The following KCNG2 variants were observed in gnomAD, a reference collection of about 807,000 sequenced individuals.
KCNG2 encodes the protein potassium voltage-gated channel modifier subfamily G member 2, also known as voltage-gated potassium channel regulatory subunit KCNG2.
KCNG2 carries 7 observed loss-of-function variants against 12.3 expected under a neutral mutation model. That is an observed-to-expected ratio of 0.57 (90% CI 0.32 to 1.07). The LOEUF (loss-of-function observed/expected upper bound fraction) is 1.07. Among genes scored for constraint, KCNG2 ranks in the 50% least tolerant of loss-of-function variants. The probability of loss-of-function intolerance (pLI) is 0.04; values close to 1 mark genes in which losing one functional copy is unlikely to be tolerated. For missense variants in KCNG2, 703 were observed against 726.0 expected, an observed-to-expected ratio of 0.97 and a Z score of 0.36; for synonymous variants, 414 against 351.4, an observed-to-expected ratio of 1.18 and a Z score of -1.99.
At chr18:79,824,674 C>T (rs370490721) in intron 1 of KCNG2, among the ~76,000 whole-genome samples, 5 of 152,284 alleles carry the variant, frequency 3.3e-5, no homozygotes, top group East Asian at 1.9e-4. Flanking sequence ...TACCCATCAA[C>T]GCCCTGAGTA....
At chr18:79,809,366 ATGGGCCCAGAGTCCT>A (rs1166133348) in intron 1 of KCNG2, among the ~76,000 whole-genome samples, 9 of 132,184 alleles carry the variant, frequency 6.8e-5, no homozygotes, top group African/African-American at 2.6e-4. Flanking sequence ...ACTCCACGTT[ATGGGCCCAGAGTCCT>A]CGCTCTGAGG....
intron 3 of KCNG2, among the ~76,000 whole-genome samples, chr18:79,873,426 T>TCCCCC (rs138533244): frequency 2.3e-5 from 2 of 86,664 alleles, no homozygotes; most frequent in African/African-American, 4.2e-5. Flanking sequence ...CCGGCCCCCC[T>TCCCCC]CCCCCCCCCC....
intron 1 of KCNG2, among the ~76,000 whole-genome samples, chr18:79,848,803 A>G (rs1303729948): frequency 1.3e-5 from 2 of 152,094 alleles, no homozygotes; most frequent in Non-Finnish European, 2.9e-5. Context: ...AGGCCGCGGC[A>G]TTCCCGGTGA....
intron 2 of KCNG2, among the ~76,000 whole-genome samples, chr18:79,856,973 G>T (rs1979030728): frequency 8.7e-6 from 1 of 114,744 alleles, no homozygotes; most frequent in Non-Finnish European, 1.8e-5. Flanking sequence ...AATAAAATCA[G>T]ATGCCCTGCT....
intron 1 of KCNG2, among the ~76,000 whole-genome samples, chr18:79,811,500 TG>T (rs1434283305): frequency 6.6e-6 from 1 of 152,226 alleles, no homozygotes; most frequent in East Asian, 1.9e-4. Context: ...CAGATGGTGC[TG>T]GGACAACTGG....
intron 3 of KCNG2, among the ~76,000 whole-genome samples, chr18:79,894,941 A>G (rs1980904556): frequency 6.7e-6 from 1 of 149,942 alleles, no homozygotes; most frequent in African/African-American, 2.5e-5. Flanking sequence ...ATTCACATCT[A>G]ATGTTACGAT....
rs1353895573 is a variant in KCNG2 at position 79,822,128 on chromosome 18, T to G, written c.-115+24114T>G. Among the ~76,000 whole-genome samples, 3 of 152,166 alleles carry G rather than the reference T, an allele frequency of 2.0e-5. No homozygotes were observed. Among genetic ancestry groups the G allele is most frequent in the African/African-American group, 7.2e-5 (3 of 41,436 alleles). On this transcript the variant is annotated intron_variant, in intron 1 of 3. Transcript: ENST00000316249. The surrounding 1 kb of genome is among the most constrained non-coding windows in gnomAD (Gnocchi z 4.4). Reference sequence around the variant, plus strand: ...GCCTTTTGTACCATTGTCCTGGGGTTTAAGCAGGAAATGTTAGATTTTTAA... The same window carrying G: ...GCCTTTTGTACCATTGTCCTGGGGTGTAAGCAGGAAATGTTAGATTTTTAA...
intron 2 of KCNG2, among the ~76,000 whole-genome samples, chr18:79,860,689 GTA>G (rs1979181439): frequency 6.6e-6 from 1 of 151,968 alleles, no homozygotes; most frequent in Non-Finnish European, 1.5e-5. Context: ...GTGCGCATGT[GTA>G]TGTGTATGTG....
At chr18:79,872,975 GTCC>G (rs1979910380) in intron 3 of KCNG2, among the ~76,000 whole-genome samples, 1 of 152,172 alleles carries the variant, frequency 6.6e-6, no homozygotes, top group South Asian at 2.1e-4. Context: ...GGCGTGTGCT[GTCC>G]TCCTCTGATG....
intron 3 of KCNG2, among the ~76,000 whole-genome samples, chr18:79,866,564 A>G (rs62103183): frequency 0.48 from 42,794 of 88,482 alleles, 12,965 homozygotes; most frequent in Middle Eastern, 0.66. Context: ...AGAGGTCTGG[A>G]TGCCGAGGTC....
intron 3 of KCNG2, among the ~76,000 whole-genome samples, chr18:79,898,149 T>A (rs1410313403): frequency 6.6e-6 from 1 of 152,168 alleles, no homozygotes; most frequent in Non-Finnish European, 1.5e-5. Flanking sequence ...CCCTTCGGTG[T>A]AAACTTCTTC....
intron 3 of KCNG2, among the ~76,000 whole-genome samples, chr18:79,883,841 G>A (rs1039628312): frequency 6.6e-6 from 1 of 152,220 alleles, no homozygotes. Flanking sequence ...GATAGTGGAT[G>A]ATGCCGTTTA....
intron 3 of KCNG2, among the ~76,000 whole-genome samples, chr18:79,871,499 C>T (rs1979829218): frequency 6.6e-6 from 1 of 152,148 alleles, no homozygotes; most frequent in Non-Finnish European, 1.5e-5. Flanking sequence ...ATGGCCCCTT[C>T]CCATCCATGT....
At chr18:79,885,231 A>T (rs1980478091) in intron 3 of KCNG2, among the ~76,000 whole-genome samples, 1 of 152,196 alleles carries the variant, frequency 6.6e-6, no homozygotes, top group Non-Finnish European at 1.5e-5. Flanking sequence ...TCTGTTAAAA[A>T]GCACAAAAAA....
rs764036768 is a variant in KCNG2, at chr18:79,852,877, C to T, written c.-114-3502C>T. Reference sequence around the variant, plus strand: ...GTTCAGGGTTCTTTCTGGTACAAAGCAATGTCCGTGTGGGGATGCAGCCTC... The same window carrying T: ...GTTCAGGGTTCTTTCTGGTACAAAGTAATGTCCGTGTGGGGATGCAGCCTC... On this transcript the variant is annotated intron_variant, in intron 1 of 3. Transcript: ENST00000316249. Among the ~76,000 whole-genome samples the T allele has an allele frequency of 1.6e-3, 244 of 152,276 alleles. 9 individuals are homozygous for T. Among genetic ancestry groups the T allele is most frequent in the Non-Finnish European group, 5.0e-4 (34 of 68,046 alleles).
chr18:79,834,402 C>T (rs1978312578), intron 1 of KCNG2, among the ~76,000 whole-genome samples: 1 of 152,186 alleles, frequency 6.6e-6, no homozygotes, highest in African/African-American at 2.4e-5. Context: ...CACACCCATC[C>T]ATCATTTCCG....
intron 1 of KCNG2, among the ~76,000 whole-genome samples, chr18:79,831,888 C>T (rs995850224): frequency 3.0e-4 from 45 of 152,324 alleles, no homozygotes; most frequent in African/African-American, 1.0e-3. Context: ...CTTTGTAGAA[C>T]CCTGATTTGG....
At chr18:79,811,745 A>T (rs2087495666) in intron 1 of KCNG2, among the ~76,000 whole-genome samples, 1 of 152,274 alleles carries the variant, frequency 6.6e-6, no homozygotes, top group Non-Finnish European at 1.5e-5. Context: ...CAAATGAAGG[A>T]ATAGAAAATC....
chr18:79,899,902 C>T lies in KCNG2; in HGVS notation c.*86C>T. 6 of 1,217,450 alleles carry T rather than the reference C, an allele frequency of 4.9e-6. No individual in the cohort carries two copies. The highest frequency in any genetic ancestry group is 4.2e-6 in the Non-Finnish European group (4 of 961,124). 75.4% of individuals were successfully genotyped at this position (1,217,450 alleles called of 1,614,324 possible). On this transcript the variant is annotated 3_prime_UTR_variant, in exon 4 of 4. Coordinates refer to ENST00000316249, the MANE Select transcript of KCNG2 (RefSeq NM_012283.2). ...AGGTGCGCCAAGGGGTGGGGGGCGT[C>T]TGGCCTGGGGGAGCGGCTCCTGCCG...
Sources: gnomAD v4.1 joint callset for allele counts (sites outside exome capture counted in the v4.1 genomes callset) on GRCh38, gnomAD v4.1.1 for gene constraint, Gnocchi (gnomAD v3.1) non-coding constraint, MANE v1.5 for transcripts, NCBI Gene and HGNC (gene_info 2026-07-23, HGNC 2026-07-21) for gene names.